Variants in ADAMTS17 observed in about 807,000 individuals in gnomAD.
ADAMTS17 encodes the protein A disintegrin and metalloproteinase with thrombospondin motifs 17.
Under a neutral mutation model 141.5 loss-of-function variants are expected in ADAMTS17, and 113 were observed. The ratio of observed to expected loss-of-function variants is 0.80; its 90% confidence interval spans 0.69 to 0.93. ADAMTS17 has a LOEUF of 0.93. Among genes scored for constraint, ADAMTS17 ranks in the 40% least tolerant of loss-of-function variants. ADAMTS17 has a pLI of 0.00. For synonymous variants in ADAMTS17, 768 were observed against 630.6 expected, an observed-to-expected ratio of 1.22 and a Z score of -3.27; for missense variants, 1,659 against 1,517.9, an observed-to-expected ratio of 1.09 and a Z score of -1.54.
At chr15:100,074,801 A>T (rs1256739695) in intron 15 of ADAMTS17, among the ~76,000 whole-genome samples, 2 of 152,182 alleles carry the variant, frequency 1.3e-5, no homozygotes, top group East Asian at 3.8e-4. Flanking sequence ...CACGATTGGG[A>T]AATTTTTTCA....
chr15:100,263,063 TA>T (rs921928815), intron 4 of ADAMTS17, among the ~76,000 whole-genome samples: 1 of 151,942 alleles, frequency 6.6e-6, no homozygotes, highest in Non-Finnish European at 1.5e-5. Context: ...AATAGTTGGT[TA>T]AAAAAAACCA....
intron 18 of ADAMTS17, among the ~76,000 whole-genome samples, chr15:100,020,271 GA>G (rs1567682870): frequency 6.6e-6 from 1 of 152,072 alleles, no homozygotes; most frequent in African/African-American, 2.4e-5. Flanking sequence ...TTCAGAATTT[GA>G]CAAGGATCTC....
intron 3 of ADAMTS17, among the ~76,000 whole-genome samples, chr15:100,307,889 C>T (rs1047014844): frequency 6.6e-6 from 1 of 152,176 alleles, no homozygotes; most frequent in African/African-American, 2.4e-5. Context: ...TGGTGCCCTG[C>T]AGAAAGAGTC....
chr15:100,295,162 T>C (rs117435825), intron 3 of ADAMTS17, among the ~76,000 whole-genome samples: 1 of 152,272 alleles, frequency 6.6e-6, no homozygotes, highest in Non-Finnish European at 1.5e-5. Context: ...CAGACTGAGG[T>C]TCAGGAGCCC....
chr15:100,022,951 T>C (rs2061431804), intron 18 of ADAMTS17, among the ~76,000 whole-genome samples: 1 of 151,446 alleles, frequency 6.6e-6, no homozygotes, highest in Non-Finnish European at 1.5e-5. Flanking sequence ...TCTTGTCACA[T>C]GATCTGTTTT....
chr15:100,120,597 G>C (rs1416462752), intron 12 of ADAMTS17, among the ~76,000 whole-genome samples: 1 of 152,158 alleles, frequency 6.6e-6, no homozygotes, highest in African/African-American at 2.4e-5. Context: ...CTTCATCTAG[G>C]AGAACTTAGA....
chr15:100,272,311 A>G (rs1257903079), intron 4 of ADAMTS17, among the ~76,000 whole-genome samples: 1 of 152,180 alleles, frequency 6.6e-6, no homozygotes, highest in Non-Finnish European at 1.5e-5. Flanking sequence ...ATATCTTAAC[A>G]ATAAGTCTTC....
intron 18 of ADAMTS17, among the ~76,000 whole-genome samples, chr15:100,048,178 A>G (rs568208491): frequency 6.6e-6 from 1 of 152,290 alleles, no homozygotes; most frequent in Non-Finnish European, 1.5e-5. Flanking sequence ...GATACACAGA[A>G]CCACAAAGCA....
chr15:100,065,843 G>A (rs562636821), intron 15 of ADAMTS17, among the ~76,000 whole-genome samples: 2 of 152,252 alleles, frequency 1.3e-5, no homozygotes, highest in South Asian at 4.1e-4. Context: ...CATGCATTAG[G>A]TATTTGTCCT....
At chr15:100,159,130 C>CA (rs918320150) in intron 8 of ADAMTS17, among the ~76,000 whole-genome samples, 10 of 152,064 alleles carry the variant, frequency 6.6e-5, no homozygotes, top group African/African-American at 2.4e-4. Flanking sequence ...AATATTTACG[C>CA]AAAAAAATTG....
intron 18 of ADAMTS17, among the ~76,000 whole-genome samples, chr15:100,046,719 G>C (rs928086448): frequency 3.9e-5 from 6 of 152,112 alleles, no homozygotes; most frequent in African/African-American, 1.4e-4. Flanking sequence ...CAATACCCTT[G>C]TGATTTCCTA....
At chr15:100,274,268 G>C (rs1308782683) in intron 4 of ADAMTS17, among the ~76,000 whole-genome samples, 2 of 152,122 alleles carry the variant, frequency 1.3e-5, no homozygotes, top group African/African-American at 2.4e-5. Context: ...TGAGAGTGGG[G>C]ATTGAAATCT....
chr15:100,165,744 T>C (rs1215024416), intron 8 of ADAMTS17, among the ~76,000 whole-genome samples: 2 of 152,174 alleles, frequency 1.3e-5, no homozygotes, highest in African/African-American at 4.8e-5. Context: ...AATGATGGAA[T>C]AAGAATATAG....
intron 2 of ADAMTS17, among the ~76,000 whole-genome samples, chr15:100,336,486 C>G (rs985088278): frequency 2.6e-5 from 4 of 152,208 alleles, no homozygotes; most frequent in Non-Finnish European, 5.9e-5. Context: ...AACATCCACT[C>G]AATTGTTTCT....
chr15:99,982,334 G>A (rs1225693570), intron 20 of ADAMTS17, among the ~76,000 whole-genome samples: 1 of 152,182 alleles, frequency 6.6e-6, no homozygotes, highest in Non-Finnish European at 1.5e-5. Context: ...CCCTCCACAG[G>A]CAGGTGCACA....
At chr15:100,160,379 G>C (rs2039635409) in intron 8 of ADAMTS17, among the ~76,000 whole-genome samples, 2 of 152,200 alleles carry the variant, frequency 1.3e-5, no homozygotes, top group Non-Finnish European at 2.9e-5. Context: ...TACCAGAAGG[G>C]TTTTTCAAAC....
intron 18 of ADAMTS17, among the ~76,000 whole-genome samples, chr15:100,030,271 C>T (rs942856011): frequency 3.3e-5 from 5 of 152,144 alleles, no homozygotes; most frequent in Non-Finnish European, 5.9e-5. Flanking sequence ...GGCCAGGGCA[C>T]GTTCATTACC....
At chr15:100,214,878 T>A (rs1243208057) in intron 7 of ADAMTS17, among the ~76,000 whole-genome samples, 1 of 152,180 alleles carries the variant, frequency 6.6e-6, no homozygotes, top group African/African-American at 2.4e-5. Flanking sequence ...CATGAAAGAG[T>A]AAAGCTTTGC....
intron 8 of ADAMTS17, among the ~76,000 whole-genome samples, chr15:100,174,194 T>C (rs1279945301): frequency 1.3e-5 from 2 of 152,218 alleles, no homozygotes; most frequent in South Asian, 2.1e-4. Context: ...TTCAGGATAA[T>C]CATTTCTTGG....
Sources: gnomAD v4.1 joint callset for allele counts (sites outside exome capture counted in the v4.1 genomes callset) on GRCh38, gnomAD v4.1.1 for gene constraint, MANE v1.5 for transcripts, NCBI Gene and HGNC (gene_info 2026-07-23, HGNC 2026-07-21) for gene names.